SLC4A10: variants seen among roughly 807,000 people sequenced by gnomAD.
The protein encoded by SLC4A10 is sodium-driven chloride bicarbonate exchanger.
In SLC4A10, 42 loss-of-function variants were observed where a neutral mutation model predicts 137.7. The observed-to-expected ratio is 0.30, with a 90% CI of 0.24 to 0.39. The LOEUF (loss-of-function observed/expected upper bound fraction) is 0.39, where lower values mean the gene tolerates loss of function less well. Among genes scored for constraint, SLC4A10 ranks in the 10% least tolerant of loss-of-function variants. The pLI is 1.00. For synonymous variants in SLC4A10, 474 were observed against 464.1 expected (o/e 1.02, Z -0.27); for missense variants, 925 against 1,355.0 (o/e 0.68, Z 4.98).
In SLC4A10 at chr2:161,811,586, A is replaced by G. The variant is rs183405935; in HGVS notation, c.277+6991A>G. ...ATTGTGTATCTTTTTTGACATTTGA[A>G]ATAATTATTTTTCAACTTTCTTCGC... is the stretch of plus-strand genomic sequence containing the variant. On this transcript the variant is annotated intron_variant, in intron 3 of 26. Transcript: ENST00000446997. Among the ~76,000 whole-genome samples the G allele has an allele frequency of 5.9e-5, 9 of 152,092 alleles. No homozygotes were observed. The East Asian group carries it at 1.7e-3, about 29-fold the overall frequency.
rs1042422481 is a variant in SLC4A10, at chr2:161,977,312, A to G, written c.3345-410A>G. 8.8e-6 allele frequency: 4 copies of G among 452,434 alleles called. No individual in the cohort carries two copies. The Admixed American group carries it at 9.4e-5, about 11-fold the overall frequency. The allele number at this position is 452,434 out of a possible 1,614,324, so 28.0% of individuals were successfully genotyped here. ...TATATTTAGTATAGTTCTAGTCCTGACTCCAACCCCCTGAAAGTCTTCCCT... is the reference window on the plus strand; with the variant it reads ...TATATTTAGTATAGTTCTAGTCCTGGCTCCAACCCCCTGAAAGTCTTCCCT... On this transcript the variant is annotated intron_variant, in intron 25 of 26. Transcript: ENST00000446997.
chr2:161,925,739 C>G (rs1221757407), intron 15 of SLC4A10, among the ~76,000 whole-genome samples: 4 of 152,018 alleles, frequency 2.6e-5, no homozygotes, highest in Non-Finnish European at 4.4e-5. Context: ...CCCAGAGATT[C>G]TGGTATGTTG....
chr2:161,964,163 T>G lies in SLC4A10; in HGVS notation c.2891T>G (p.Met964Arg). 1 of 1,611,366 alleles carries G rather than the reference T, an allele frequency of 6.2e-7. No individual in the cohort carries two copies. Among genetic ancestry groups the G allele is most frequent in the Non-Finnish European group, 8.5e-7 (1 of 1,178,448 alleles). The change falls in exon 22 of 27, where the codon ATG becomes AGG. Residue 964 changes from methionine (M) to arginine (R), a missense_variant. Physicochemically the swap from Met to Arg is moderately conservative, Grantham distance 91 (BLOSUM62 -1). Transcript: ENST00000446997. ...TTTGATAGGATAAAGCTCTTCTGGA[T>G]GCCGGCAAAACATCAACCAGATTTT... is the stretch of plus-strand genomic sequence containing the variant. ...QFFDRIKLFW[M>R]PAKHQPDFIY...
chr2:161,839,666 AGGGGAGGTGTGAGCTT>A (rs1031225266), intron 3 of SLC4A10, 107 bp from the exon 4 acceptor site: 1 of 976,370 alleles, frequency 1.0e-6, no homozygotes, highest in African/African-American at 1.6e-5. Flanking sequence ...AGTGGGGAGC[AGGGGAGGTGTGAGCTT>A]GGGGTGGTGC....
chr2:161,734,365 T>A (rs991254116), intron 1 of SLC4A10, among the ~76,000 whole-genome samples: 1 of 152,320 alleles, frequency 6.6e-6, no homozygotes, highest in Non-Finnish European at 1.5e-5. Context: ...TCTCATGAGA[T>A]CTGATGGTTT....
intron 3 of SLC4A10, among the ~76,000 whole-genome samples, chr2:161,823,525 G>A (rs940931240): frequency 2.0e-5 from 3 of 152,060 alleles, no homozygotes; most frequent in Non-Finnish European, 2.9e-5. Flanking sequence ...ATATAACCAC[G>A]GAACCCGTAT....
chr2:161,741,583 G>T (rs1460308996), intron 1 of SLC4A10, among the ~76,000 whole-genome samples: 1 of 152,132 alleles, frequency 6.6e-6, no homozygotes, highest in Non-Finnish European at 1.5e-5. Flanking sequence ...TAAAAATGCA[G>T]TATTTTTCTG....
intron 21 of SLC4A10, among the ~76,000 whole-genome samples, chr2:161,963,273 A>G (rs1198741279): frequency 6.6e-6 from 1 of 152,176 alleles, no homozygotes; most frequent in Non-Finnish European, 1.5e-5. Flanking sequence ...GCTGTAACAT[A>G]ATAGTATGAA....
intron 15 of SLC4A10, chr2:161,931,580 G>C (rs1177003818): frequency 6.6e-6 from 1 of 152,086 alleles, no homozygotes; most frequent in Non-Finnish European, 1.5e-5. Context: ...TTTAAATAAA[G>C]ATTGTTTTCC....
At chr2:161,977,263 A>G (rs1172138163) in intron 25 of SLC4A10, 1 of 347,006 alleles carries the variant, frequency 2.9e-6, no homozygotes, top group Admixed American at 3.0e-5. Flanking sequence ...TTATATTTAT[A>G]TTTTATAAAT....
chr2:161,739,133 G>T (rs537062596), intron 1 of SLC4A10, among the ~76,000 whole-genome samples: 4 of 152,040 alleles, frequency 2.6e-5, no homozygotes, highest in Admixed American at 2.0e-4. Context: ...AACATGATAT[G>T]GGGAGGAAAG....
intron 1 of SLC4A10, among the ~76,000 whole-genome samples, chr2:161,655,637 T>C (rs1278514068): frequency 6.6e-6 from 1 of 152,056 alleles, no homozygotes; most frequent in African/African-American, 2.4e-5. Context: ...ATTTTTAAGC[T>C]TTTCCAAAAA....
intron 1 of SLC4A10, among the ~76,000 whole-genome samples, chr2:161,728,552 C>A (rs374190018): frequency 6.6e-6 from 1 of 151,314 alleles, no homozygotes; most frequent in Non-Finnish European, 1.5e-5. Flanking sequence ...CCAGCCTAGG[C>A]GACAGAGGAA....
chr2:161,691,759 A>G (rs1393253805), intron 1 of SLC4A10, among the ~76,000 whole-genome samples: 1 of 152,148 alleles, frequency 6.6e-6, no homozygotes, highest in Non-Finnish European at 1.5e-5. Context: ...TGTAGAGGAA[A>G]CAAGTCTTCC....
At chr2:161,893,538 A>G (rs912621364) in intron 10 of SLC4A10, among the ~76,000 whole-genome samples, 48 of 152,078 alleles carry the variant, frequency 3.2e-4, no homozygotes, top group African/African-American at 1.1e-3. Context: ...TCTACAAGAA[A>G]TTTTTTAAAA....
chr2:161,745,897 T>C (rs1017899228), intron 1 of SLC4A10, among the ~76,000 whole-genome samples: 1 of 152,134 alleles, frequency 6.6e-6, no homozygotes, highest in Non-Finnish European at 1.5e-5. Context: ...GCAGAGTCTC[T>C]TGTTCTCTTC....
intron 1 of SLC4A10, chr2:161,651,001 T>C (rs2036712493): frequency 1.3e-5 from 2 of 152,342 alleles, no homozygotes; most frequent in Admixed American, 1.3e-4. Context: ...CTGTTTTGAG[T>C]GGAGTCTGCC....
At chr2:161,873,530 CAAAAAAAAAAAAAA>C (rs759717096) in intron 7 of SLC4A10, among the ~76,000 whole-genome samples, 1 of 17,328 alleles carries the variant, frequency 5.8e-5, no homozygotes, top group African/African-American at 2.4e-4. Flanking sequence ...GACCACATCT[CAAAAAAAAAAAAAA>C]AAAAAAAAAA....
chr2:161,765,743 A>G (rs375362017), intron 1 of SLC4A10, among the ~76,000 whole-genome samples: 8 of 152,238 alleles, frequency 5.3e-5, no homozygotes, highest in African/African-American at 1.9e-4. Context: ...ACATGTGGAA[A>G]TTAGGATGCA....
Sources: gnomAD v4.1 joint callset for allele counts (sites outside exome capture counted in the v4.1 genomes callset) on GRCh38, gnomAD v4.1.1 for gene constraint, MANE v1.5 for transcripts, NCBI Gene and HGNC (gene_info 2026-07-23, HGNC 2026-07-21) for gene names.